Variants in PARD3B observed in about 807,000 individuals in gnomAD.
PARD3B encodes partitioning defective 3 homolog B.
PARD3B carries 103 observed loss-of-function variants against 130.2 expected under a neutral mutation model. The ratio of observed to expected loss-of-function variants is 0.79; its 90% CI spans 0.67 to 0.93. The LOEUF is 0.93. Ranked by LOEUF, PARD3B falls within the 40% of genes least tolerant of loss-of-function variation. PARD3B has a pLI of 0.00. For synonymous variants in PARD3B, 583 were observed against 553.2 expected, an observed-to-expected ratio of 1.05 and a Z score of -0.76; for missense variants, 1,609 against 1,499.2, an observed-to-expected ratio of 1.07 and a Z score of -1.21.
chr2:205,452,132 C>G (rs754461857), intron 20 of PARD3B, among the ~76,000 whole-genome samples: 5 of 152,162 alleles, frequency 3.3e-5, no homozygotes, highest in Non-Finnish European at 7.3e-5. Context: ...TGGATGTGAA[C>G]ATATCTTGTA....
Position 205,091,418 on chromosome 2 carries a change from G to A in PARD3B, c.505-13008G>A, listed in dbSNP as rs559745402. The stretch of plus-strand genomic sequence containing the variant: ...AGCATTGGCGACCTCTCACTTTTCT[G>A]CACCTTCTCGGGGAAATAGATGAGG... On this transcript the variant is annotated intron_variant, in intron 4 of 22. Transcript: ENST00000406610. The surrounding 1 kb of genome is among the most constrained non-coding windows in gnomAD (Gnocchi z 4.2). Among the ~76,000 whole-genome samples, 5 of 152,090 alleles carry A rather than the reference G, an allele frequency of 3.3e-5. No homozygotes were observed. The highest frequency in any genetic ancestry group is 6.6e-5 in the Admixed American group (1 of 15,266).
intron 1 of PARD3B, among the ~76,000 whole-genome samples, chr2:204,674,526 G>T (rs531558628): frequency 7.2e-6 from 1 of 138,256 alleles, no homozygotes. Flanking sequence ...AGTGTGGGAG[G>T]GGGGTGGGTG....
At chr2:204,842,752 C>G (rs2044304288) in intron 2 of PARD3B, among the ~76,000 whole-genome samples, 1 of 152,098 alleles carries the variant, frequency 6.6e-6, no homozygotes, top group South Asian at 2.1e-4. Context: ...AACCTGACTT[C>G]TGATGAAGAA....
intron 3 of PARD3B, among the ~76,000 whole-genome samples, chr2:204,973,959 G>C (rs1394610747): frequency 2.0e-5 from 3 of 152,128 alleles, no homozygotes; most frequent in African/African-American, 4.8e-5. Context: ...AGACCTCCCA[G>C]ATATCACCAC....
In PARD3B at chr2:205,021,567, T is replaced by G. The variant is rs531959952; in HGVS notation, c.395-26014T>G. Among the ~76,000 whole-genome samples, 5 of 152,030 alleles carry G rather than the reference T, an allele frequency of 3.3e-5. No homozygotes were observed. In the East Asian group the frequency reaches 9.7e-4, roughly 30 times the overall value. On this transcript the variant is annotated intron_variant, in intron 3 of 22. Coordinates refer to ENST00000406610, the MANE Select transcript of PARD3B (RefSeq NM_001302769.2). This position sits in a 1 kb window ranked among gnomAD's most constrained non-coding sequence, Gnocchi z 4.5. ...GAGGTAATAGCATTTATTGAGCAAC[T>G]ATATGCTCTCTTCTCTCTCTCTTCT... is the stretch of plus-strand genomic sequence containing the variant.
chr2:205,396,937 G>A (rs1016720415), intron 18 of PARD3B, among the ~76,000 whole-genome samples: 7 of 152,186 alleles, frequency 4.6e-5, no homozygotes, highest in African/African-American at 1.4e-4. Context: ...AAGAGTGGCT[G>A]TGAAATGATC....
chr2:205,139,380 TA>T (rs1305780945), intron 10 of PARD3B, among the ~76,000 whole-genome samples: 1 of 151,798 alleles, frequency 6.6e-6, no homozygotes, highest in Non-Finnish European at 1.5e-5. Flanking sequence ...CCACCTTTAA[TA>T]AAAAAAACCT....
intron 2 of PARD3B, among the ~76,000 whole-genome samples, chr2:204,916,517 T>C (rs1055857795): frequency 6.6e-6 from 1 of 152,230 alleles, no homozygotes; most frequent in East Asian, 1.9e-4. Context: ...TTTTAAATTC[T>C]ATAGAGATTT....
chr2:204,945,620 T>A (rs1689258430), intron 2 of PARD3B, among the ~76,000 whole-genome samples: 2 of 152,214 alleles, frequency 1.3e-5, no homozygotes, highest in South Asian at 2.1e-4. Context: ...CCTAGTTGAA[T>A]GTTTTCTTCC....
chr2:205,100,144 C>A (rs1702663566), intron 4 of PARD3B, among the ~76,000 whole-genome samples: 1 of 152,010 alleles, frequency 6.6e-6, no homozygotes, highest in Non-Finnish European at 1.5e-5. Flanking sequence ...ATTTTTTAAT[C>A]TTGCGTAATG....
chr2:204,990,194 G>C (rs943373556), intron 3 of PARD3B, among the ~76,000 whole-genome samples: 4 of 151,676 alleles, frequency 2.6e-5, no homozygotes, highest in African/African-American at 9.7e-5. Context: ...TTACTCTTCT[G>C]TGATGTTCCT....
At chr2:205,431,621 C>T (rs906789013) in intron 19 of PARD3B, among the ~76,000 whole-genome samples, 3 of 151,862 alleles carry the variant, frequency 2.0e-5, no homozygotes, top group Admixed American at 6.6e-5. Flanking sequence ...AGGCGTCTAC[C>T]ACCACGCTCA....
intron 21 of PARD3B, among the ~76,000 whole-genome samples, chr2:205,534,669 A>C (rs2051761538): frequency 6.6e-6 from 1 of 152,118 alleles, no homozygotes; most frequent in Non-Finnish European, 1.5e-5. Flanking sequence ...GGGTTTCACC[A>C]TGTTGGCCAA....
At chr2:205,089,545 A>G (rs1575750718) in intron 4 of PARD3B, among the ~76,000 whole-genome samples, 1 of 152,284 alleles carries the variant, frequency 6.6e-6, no homozygotes, top group South Asian at 2.1e-4. Flanking sequence ...GAGGTCAGCA[A>G]ACAAATTTCA....
chr2:204,711,234 CTTCTCCCCATAT>C (rs1262563291), intron 2 of PARD3B, among the ~76,000 whole-genome samples: 1 of 152,136 alleles, frequency 6.6e-6, no homozygotes, highest in Non-Finnish European at 1.5e-5. Context: ...TGATTTTCCT[CTTCTCCCCATAT>C]TTCTAGAATA....
intron 4 of PARD3B, among the ~76,000 whole-genome samples, chr2:205,062,393 C>T (rs1303943286): frequency 6.6e-6 from 1 of 152,018 alleles, no homozygotes; most frequent in Non-Finnish European, 1.5e-5. Context: ...TGAGGCATGC[C>T]CTGCTGTGCC....
chr2:204,614,299 T>C (rs1403161990), intron 1 of PARD3B, among the ~76,000 whole-genome samples: 1 of 152,002 alleles, frequency 6.6e-6, no homozygotes, highest in Non-Finnish European at 1.5e-5. Context: ...AATATAAAAA[T>C]CGAGCAATAT....
chr2:205,038,575 G>A (rs1438714934), intron 3 of PARD3B, among the ~76,000 whole-genome samples: 3 of 152,138 alleles, frequency 2.0e-5, no homozygotes, highest in East Asian at 3.9e-4. Context: ...GAAGTCATTC[G>A]TCTTCAGAGA....
rs557926103 is a variant in PARD3B, at chr2:205,172,205, C to T, written c.1621-6C>T. 2.5e-5 allele frequency: 40 copies of T among 1,613,584 alleles called. No homozygotes were observed. In the East Asian group the frequency reaches 8.0e-4, roughly 32 times the overall value. On this transcript the variant is annotated splice_region_variant and splice_polypyrimidine_tract_variant and intron_variant, in intron 11 of 22. Transcript: ENST00000406610. ...TTGAATATTGTTTTCCTTTCTTCTGCCTTAGGATGGTCGTCTGCGAATGAA... is the reference window on the plus strand; with the variant it reads ...TTGAATATTGTTTTCCTTTCTTCTGTCTTAGGATGGTCGTCTGCGAATGAA...
Sources: allele counts gnomAD v4.1 joint callset (sites outside exome capture counted in the v4.1 genomes callset), GRCh38; gene constraint gnomAD v4.1.1; non-coding constraint Gnocchi (gnomAD v3.1); transcripts MANE v1.5; gene names NCBI Gene and HGNC (gene_info 2026-07-23, HGNC 2026-07-21).